Variants in PPIL2 observed in about 807,000 individuals in gnomAD.
The protein encoded by PPIL2 is peptidylprolyl isomerase like 2.
In PPIL2, 50 loss-of-function variants were observed where a neutral mutation model predicts 75.2. That is an observed-to-expected ratio of 0.66 (90% CI 0.53 to 0.84). The LOEUF (loss-of-function observed/expected upper bound fraction) is 0.84. Among genes scored for constraint, PPIL2 ranks in the 40% least tolerant of loss-of-function variants. PPIL2 has a pLI of 0.00. For synonymous variants in PPIL2, 245 were observed against 258.8 expected (o/e 0.95, Z 0.51); for missense variants, 590 against 685.0 (o/e 0.86, Z 1.55).
At position 21,693,900 on chromosome 22, in the gene PPIL2, G is replaced by A. The variant is rs368032577; in HGVS notation, c.1196+28G>A. ...AAGGGAAGCGGCTGTGTGAAGCCTG[G>A]GGGGTCAGTGGGCTAGGTGGGTTCC... is the stretch of plus-strand genomic sequence containing the variant. On this transcript the variant is annotated intron_variant, in intron 16 of 19. Transcript: ENST00000398831. 16 of 1,524,126 alleles carry A rather than the reference G, an allele frequency of 1.0e-5. No individual in the cohort carries two copies. In the African/African-American group the frequency reaches 2.1e-4, roughly 20 times the overall value. The allele number at this position is 1,524,126 out of a possible 1,614,324, so 94.4% of individuals were successfully genotyped here.
At chr22:21,672,223 C>A in intron 4 of PPIL2, 107 bp from the exon 5 acceptor site, 1 of 899,804 alleles carries the variant, frequency 1.1e-6, no homozygotes. Flanking sequence ...TGAAGCAAGA[C>A]CCCTTCACAG....
At chr22:21,692,721 T>G (rs189587736) in intron 15 of PPIL2, among the ~76,000 whole-genome samples, 2 of 151,164 alleles carry the variant, frequency 1.3e-5, no homozygotes, top group South Asian at 2.1e-4. Flanking sequence ...GTCAAGAGAT[T>G]GAGACCATCC....
At chr22:21,669,430 T>A in intron 1 of PPIL2, 1 of 434,540 alleles carries the variant, frequency 2.3e-6, no homozygotes, top group Non-Finnish European at 4.7e-6. Context: ...ATTATAGGTG[T>A]GAGCCACTGT....
In PPIL2 at chr22:21,686,472, T is replaced by C. The variant is rs2067366869; in HGVS notation, c.715-11T>C. The C allele has an allele frequency of 2.5e-6, 4 of 1,613,634 alleles. No individual in the cohort carries two copies. Among genetic ancestry groups the C allele is most frequent in the African/African-American group, 2.7e-5 (2 of 74,916 alleles). On this transcript the variant is annotated splice_polypyrimidine_tract_variant and intron_variant, in intron 10 of 19. Coordinates refer to ENST00000398831, the MANE Select transcript of PPIL2 (RefSeq NM_014337.4). ...GGCACTGCTGAGGTGCCACCCTGGT[T>C]TCCTTGGCAGGCCCACTATTCCACA... is the stretch of plus-strand genomic sequence containing the variant.
intron 6 of PPIL2, among the ~76,000 whole-genome samples, chr22:21,679,673 G>C (rs566971807): frequency 5.0e-4 from 75 of 150,814 alleles, no homozygotes; most frequent in African/African-American, 1.8e-3. Flanking sequence ...CTGACCTCAA[G>C]CAATCCTCCC....
intron 15 of PPIL2, among the ~76,000 whole-genome samples, chr22:21,690,326 G>T (rs1217216962): frequency 6.6e-6 from 1 of 151,888 alleles, no homozygotes; most frequent in Non-Finnish European, 1.5e-5. Flanking sequence ...CAAAGCTGCA[G>T]TGAGCTAGGA....
At chr22:21,667,731 A>G (rs1343864934) in intron 1 of PPIL2, among the ~76,000 whole-genome samples, 1 of 149,218 alleles carries the variant, frequency 6.7e-6, no homozygotes, top group Non-Finnish European at 1.5e-5. Flanking sequence ...TGGCTTACTT[A>G]ATATCTCCAC....
At chr22:21,669,046 TC>T (rs1569016188) in intron 1 of PPIL2, among the ~76,000 whole-genome samples, 1 of 143,048 alleles carries the variant, frequency 7.0e-6, no homozygotes, top group Non-Finnish European at 1.5e-5. Flanking sequence ...GAGACTGGTT[TC>T]ACCGTGTTAG....
intron 5 of PPIL2, 65 bp from the exon 6 acceptor site, chr22:21,674,999 C>G (rs1180036601): frequency 3.5e-6 from 5 of 1,427,512 alleles, no homozygotes; most frequent in Non-Finnish European, 4.9e-6. Context: ...CTGTCTCTGA[C>G]CCTAGCATCT....
At chr22:21,694,046 G>C (rs2148577401) in intron 16 of PPIL2, among the ~76,000 whole-genome samples, 174 bp downstream of exon 16, 1 of 152,294 alleles carries the variant, frequency 6.6e-6, no homozygotes, top group East Asian at 1.9e-4. Context: ...CATGTGCCAG[G>C]GAAGTCTGGC....
At chr22:21,686,643 G>A (rs1422169977) in intron 11 of PPIL2, 85 bp downstream of exon 11, 10 of 1,364,586 alleles carry the variant, frequency 7.3e-6, no homozygotes, top group Non-Finnish European at 1.0e-5. Context: ...CCACTTTATT[G>A]GTCTGTCAGG....
chr22:21,676,020 G>A (rs1177709872), intron 6 of PPIL2, among the ~76,000 whole-genome samples: 3 of 152,252 alleles, frequency 2.0e-5, no homozygotes, highest in African/African-American at 7.2e-5. Context: ...TGGCTTAGGG[G>A]TTGTCCTTGC....
Position 21,688,162 on chromosome 22 carries a change from AG to A in PPIL2, c.1021+61del, listed in dbSNP as rs1341011575. 1.7e-5 allele frequency: 27 copies of A among 1,606,718 alleles called. No individual in the cohort carries two copies. In the African/African-American group the frequency reaches 2.4e-4, roughly 14 times the overall value. On this transcript the variant is annotated intron_variant, in intron 14 of 19. Transcript: ENST00000398831. ...CACTTTGGCTGCTCCGTGGGGCATG[AG>A]GGGGTAGCTGGGCAGGGGTTGTGCA... is the stretch of plus-strand genomic sequence containing the variant.
chr22:21,687,070 T>A, intron 12 of PPIL2, 72 bp downstream of exon 12: 1 of 1,376,192 alleles, frequency 7.3e-7, no homozygotes. Flanking sequence ...ATGTCTTAAA[T>A]ATAGGGCTGC....
intron 6 of PPIL2, among the ~76,000 whole-genome samples, chr22:21,675,844 C>T (rs2066818113): frequency 6.6e-6 from 1 of 152,238 alleles, no homozygotes; most frequent in African/African-American, 2.4e-5. Context: ...TTCTTTGCCA[C>T]AGCTCATAGA....
chr22:21,695,980 T>C lies in PPIL2; in HGVS notation c.*490T>C. 3 of 526,192 alleles carry C rather than the reference T, an allele frequency of 5.7e-6. No individual in the cohort carries two copies. Among genetic ancestry groups the C allele is most frequent in the Non-Finnish European group, 7.5e-6 (3 of 400,074 alleles). The allele number at this position is 526,192 out of a possible 1,614,324, so 32.6% of individuals were successfully genotyped here. On this transcript the variant is annotated 3_prime_UTR_variant, in exon 20 of 20. Transcript: ENST00000398831. The stretch of plus-strand genomic sequence containing the variant: ...GGGACTACAGCCGTGCACCACTACA[T>C]CCAGCTGTATATGTCTGGTTTTCTT...
chr22:21,685,008 G>A, intron 10 of PPIL2, 95 bp downstream of exon 10: 9 of 1,494,948 alleles, frequency 6.0e-6, no homozygotes, highest in Non-Finnish European at 7.2e-6. Context: ...GCTCATGGGG[G>A]CCTGGGATAC....
Position 21,682,418 on chromosome 22 carries a change from C to G in PPIL2, c.388-19C>G. On this transcript the variant is annotated intron_variant, in intron 7 of 19. Transcript: ENST00000398831. Reference sequence around the variant, plus strand: ...AGGCTTGGGGCAGGCATCGTAAAACCACTTCCTCCTGGCTATAGGCAGTGG... The same window carrying G: ...AGGCTTGGGGCAGGCATCGTAAAACGACTTCCTCCTGGCTATAGGCAGTGG... 6.2e-7 allele frequency: 1 copy of G among 1,609,776 alleles called. No individual in the cohort carries two copies. Among genetic ancestry groups the G allele is most frequent in the Non-Finnish European group, 8.5e-7 (1 of 1,176,292 alleles).
intron 10 of PPIL2, among the ~76,000 whole-genome samples, chr22:21,686,084 C>T (rs1340482543): frequency 1.3e-5 from 2 of 152,052 alleles, no homozygotes; most frequent in Non-Finnish European, 2.9e-5. Flanking sequence ...GTCACTTGAG[C>T]CCAGGAGTTG....
Sources: allele counts gnomAD v4.1 joint callset (sites outside exome capture counted in the v4.1 genomes callset), GRCh38; gene constraint gnomAD v4.1.1; transcripts MANE v1.5; gene names NCBI Gene and HGNC (gene_info 2026-07-23, HGNC 2026-07-21).